The following DAB1 variants were observed in gnomAD, a reference collection of about 807,000 sequenced individuals.
The protein encoded by DAB1 is disabled homolog 1.
DAB1 carries 15 observed loss-of-function variants against 64.6 expected under a neutral mutation model. The observed-to-expected ratio is 0.23, with a 90% CI of 0.16 to 0.36. The LOEUF is 0.36. DAB1 is among the 10% of genes least tolerant of loss of function. The pLI, the probability that DAB1 is intolerant of heterozygous loss-of-function variation, is 1.00. For synonymous variants in DAB1, 235 were observed against 251.9 expected, an observed-to-expected ratio of 0.93 and a Z score of 0.64; for missense variants, 596 against 706.7, an observed-to-expected ratio of 0.84 and a Z score of 1.78.
At chr1:57,659,410 T>A (rs953522929) in intron 6 of DAB1, among the ~76,000 whole-genome samples, 3 of 152,202 alleles carry the variant, frequency 2.0e-5, no homozygotes, top group Non-Finnish European at 4.4e-5. Context: ...TAGAATAATG[T>A]TAACGCAAGG....
chr1:57,963,041 G>T (rs1293908037), intron 5 of DAB1, among the ~76,000 whole-genome samples: 2 of 151,740 alleles, frequency 1.3e-5, no homozygotes, highest in African/African-American at 4.8e-5. Context: ...TTTTACCTGG[G>T]TTACTTCTTC....
intron 5 of DAB1, among the ~76,000 whole-genome samples, chr1:57,978,368 G>T (rs1044572979): frequency 6.6e-6 from 1 of 152,174 alleles, no homozygotes; most frequent in Non-Finnish European, 1.5e-5. Flanking sequence ...GTCATGTGCA[G>T]AAAACTGAAA....
chr1:57,832,851 TG>T (rs138919716), intron 1 of DAB1, among the ~76,000 whole-genome samples: 1 of 151,708 alleles, frequency 6.6e-6, no homozygotes, highest in Admixed American at 6.6e-5. Context: ...TTTGTAGGGG[TG>T]GGGGTGGTCC....
intron 7 of DAB1, among the ~76,000 whole-genome samples, chr1:57,069,969 T>C (rs1231868687): frequency 6.6e-6 from 1 of 152,226 alleles, no homozygotes; most frequent in African/African-American, 2.4e-5. Context: ...GACTGTGACA[T>C]TTCAAAAAGG....
chr1:57,045,176 G>T (rs960608572), intron 9 of DAB1, among the ~76,000 whole-genome samples: 6 of 152,200 alleles, frequency 3.9e-5, no homozygotes, highest in African/African-American at 1.4e-4. Flanking sequence ...TAAGACTAGG[G>T]TGAGTGGTTA....
intron 7 of DAB1, among the ~76,000 whole-genome samples, chr1:57,549,337 A>C (rs1644889919): frequency 6.6e-6 from 1 of 152,222 alleles, no homozygotes; most frequent in Non-Finnish European, 1.5e-5. Context: ...TTTACAATTA[A>C]AATGTCCTGT....
intron 7 of DAB1, among the ~76,000 whole-genome samples, chr1:57,552,666 A>G (rs2101479051): frequency 6.6e-6 from 1 of 152,320 alleles, no homozygotes; most frequent in Admixed American, 6.5e-5. Context: ...TCATTGTTAC[A>G]AAAGATACAC....
chr1:58,116,178 T>A (rs751649772), intron 5 of DAB1, among the ~76,000 whole-genome samples: 1 of 152,214 alleles, frequency 6.6e-6, no homozygotes, highest in African/African-American at 2.4e-5. Flanking sequence ...TAGCTTTTTC[T>A]CCTTCTTCCT....
At chr1:58,151,084 G>A (rs1254090838) in intron 4 of DAB1, among the ~76,000 whole-genome samples, 4 of 152,104 alleles carry the variant, frequency 2.6e-5, no homozygotes, top group African/African-American at 4.8e-5. Flanking sequence ...TCTTAATCCG[G>A]TCTATCATTG....
chr1:58,314,602 T>C (rs1342654381), intron 4 of DAB1, among the ~76,000 whole-genome samples: 1 of 152,178 alleles, frequency 6.6e-6, no homozygotes, highest in Non-Finnish European at 1.5e-5. Flanking sequence ...ATAATAATTG[T>C]AGGAGGTATG....
At chr1:57,609,036 C>T (rs1026179840) in intron 7 of DAB1, among the ~76,000 whole-genome samples, 1 of 152,168 alleles carries the variant, frequency 6.6e-6, no homozygotes, top group Non-Finnish European at 1.5e-5. Flanking sequence ...GTGTGCCTTA[C>T]ACTCCCCAGT....
intron 1 of DAB1, among the ~76,000 whole-genome samples, chr1:57,419,657 A>C (rs1684753677): frequency 6.6e-6 from 1 of 152,252 alleles, no homozygotes; most frequent in Non-Finnish European, 1.5e-5. Flanking sequence ...TAACACTAAT[A>C]GCTAAGTAAC....
exon 2 of DAB1, chr1:58,527,304 A>G (rs1646367639): frequency 1.1e-6 from 1 of 872,166 alleles, no homozygotes; most frequent in Admixed American, 1.7e-5. Flanking sequence ...TTCGGCCTCC[A>G]ATTTTCTGCT....
intron 1 of DAB1, among the ~76,000 whole-genome samples, chr1:57,866,822 G>A (rs1215211522): frequency 6.6e-6 from 1 of 152,070 alleles, no homozygotes; most frequent in African/African-American, 2.4e-5. Flanking sequence ...TCTTTCCCTT[G>A]AATGGACTTT....
At chr1:57,916,953 A>AC (rs201701901) in intron 5 of DAB1, among the ~76,000 whole-genome samples, 1,527 of 152,236 alleles carry the variant, frequency 0.01, 30 homozygotes, top group African/African-American at 0.035. Flanking sequence ...CAAAAAAAAA[A>AC]AAAAGTTTTA....
intron 4 of DAB1, among the ~76,000 whole-genome samples, chr1:58,161,050 T>C (rs1199309341): frequency 6.6e-6 from 1 of 152,182 alleles, no homozygotes; most frequent in East Asian, 1.9e-4. Context: ...ATTGCCCATC[T>C]AGAAAAGATG....
In DAB1 at chr1:57,203,489, C is replaced by T. The variant is rs61765580; in HGVS notation, c.68-58060G>A. ...GAACCAGTGGCCCACAGACTAGCTG[C>T]CATGACACTGCCCATCCATGCTGCT... On this transcript the variant is annotated intron_variant, in intron 2 of 14. Coordinates refer to ENST00000371236, the MANE Select transcript of DAB1 (RefSeq NM_001365792.1). Among the ~76,000 whole-genome samples the T allele has an allele frequency of 8.3e-3, 1,257 of 152,254 alleles. 31 individuals are homozygous for T. The East Asian group carries it at 0.088, about 11-fold the overall frequency.
intron 5 of DAB1, among the ~76,000 whole-genome samples, chr1:58,018,698 G>A (rs1184526064): frequency 3.9e-5 from 6 of 152,124 alleles, no homozygotes; most frequent in African/African-American, 1.4e-4. Flanking sequence ...TTCTGGAATC[G>A]AAAGGTGTTA....
intron 9 of DAB1, among the ~76,000 whole-genome samples, chr1:57,049,557 T>C (rs978620975): frequency 6.7e-6 from 1 of 149,758 alleles, no homozygotes; most frequent in Non-Finnish European, 1.5e-5. Flanking sequence ...CCCTGTCTTC[T>C]GGTTACTTGA....
Sources: gnomAD v4.1 joint callset for allele counts (sites outside exome capture counted in the v4.1 genomes callset) on GRCh38, gnomAD v4.1.1 for gene constraint, MANE v1.5 for transcripts, NCBI Gene and HGNC (gene_info 2026-07-23, HGNC 2026-07-21) for gene names.